The following LRGUK variants were observed in gnomAD, a reference collection of about 807,000 sequenced individuals.
The protein encoded by LRGUK is leucine-rich repeat and guanylate kinase domain-containing protein.
In LRGUK, 65 loss-of-function variants were observed where a neutral mutation model predicts 76.0. The ratio of observed to expected loss-of-function variants is 0.85; its 90% CI spans 0.70 to 1.05. The LOEUF (loss-of-function observed/expected upper bound fraction) is 1.05, where lower values mean the gene tolerates loss of function less well. Among genes scored for constraint, LRGUK ranks in the 50% least tolerant of loss-of-function variants. The pLI, the probability that LRGUK is intolerant of heterozygous loss-of-function variation, is 0.00. For missense variants in LRGUK, 758 were observed against 732.8 expected (o/e 1.03, Z -0.40); for synonymous variants, 268 against 265.6 (o/e 1.01, Z -0.09).
intron 18 of LRGUK, among the ~76,000 whole-genome samples, chr7:134,251,112 C>G (rs564949436): frequency 6.6e-6 from 1 of 152,252 alleles, no homozygotes; most frequent in East Asian, 1.9e-4. Flanking sequence ...CCCCATTCCC[C>G]CAATTTCATA....
At chr7:134,153,404 G>A (rs1464799111) in intron 5 of LRGUK, among the ~76,000 whole-genome samples, 3 of 151,986 alleles carry the variant, frequency 2.0e-5, no homozygotes, top group Admixed American at 1.3e-4. Flanking sequence ...GCTTTGCCAA[G>A]TTTATGTAAA....
At chr7:134,215,174 CATGT>C (rs1801404120), downstream of LRGUK, among the ~76,000 whole-genome samples, 1 of 151,588 alleles carries the variant, frequency 6.6e-6, no homozygotes, top group Non-Finnish European at 1.5e-5. Flanking sequence ...TAGAAGTATA[CATGT>C]TACAATATCA....
chr7:134,174,696 ACTAT>A (rs1799411429), intron 8 of LRGUK, 60 bp downstream of exon 8: 4 of 906,354 alleles, frequency 4.4e-6, no homozygotes, highest in East Asian at 4.8e-5. Flanking sequence ...GTGGAGGGAA[ACTAT>A]CTAGGAATTC....
chr7:134,258,266 T>A (rs759575901), exon 19 of LRGUK: 4 of 1,613,918 alleles, frequency 2.5e-6, no homozygotes. Context: ...GTGGGAAGGA[T>A]TCCTTGGTTT....
rs140175129 is a variant in LRGUK at position 134,247,616 on chromosome 7, C to T, written c.2044C>T (p.Arg682Cys). The T allele has an allele frequency of 2.0e-3, 3,201 of 1,613,208 alleles. 45 individuals carry two copies. In the Admixed American group the frequency reaches 0.027, roughly 14 times the overall value. ...CCGGCAAGCTCTAATGGGAAGGATACGCCCTGATCACACACTCCTATTTCA... is the reference window on the plus strand; with the variant it reads ...CCGGCAAGCTCTAATGGGAAGGATATGCCCTGATCACACACTCCTATTTCA... The change falls in exon 17 of 20, where the codon CGC becomes TGC. Residue 682 changes from arginine to cysteine, a missense_variant. Arg to Cys is a radical substitution (Grantham distance 180). Coordinates refer to the LRGUK transcript ENST00000285928.
chr7:134,269,204 C>A (rs1462595991), downstream of LRGUK, among the ~76,000 whole-genome samples: 1 of 152,082 alleles, frequency 6.6e-6, no homozygotes, highest in Non-Finnish European at 1.5e-5. Flanking sequence ...TCCCTTAAGA[C>A]CTCCTTGTAG....
rs1585558920 is a variant in LRGUK, at chr7:134,209,113, C to G, written c.2250C>G (p.Ile750Met). ...CCAGTGAGGTTGGGCAGTCTCCCAT[C>G]ACCCCGACCCTGGTGCCTCCTGTGC... The change falls in exon 16 of 16, where the codon ATC becomes ATG. Residue 750 changes from isoleucine (I) to methionine (M), a missense_variant. By Grantham distance (10) the Ile-to-Met change is conservative. Transcript: ENST00000645682. 37 of 399,128 alleles carry G rather than the reference C, an allele frequency of 9.3e-5. No homozygotes were observed. In the East Asian group the frequency reaches 1.3e-3, roughly 14 times the overall value. 24.7% of individuals were successfully genotyped at this position (399,128 alleles called of 1,614,324 possible).
At chr7:134,218,017 G>A (rs1327683534) in intron 15 of LRGUK, among the ~76,000 whole-genome samples, 11 of 151,990 alleles carry the variant, frequency 7.2e-5, no homozygotes, top group East Asian at 1.9e-4. Context: ...TCTAGAGTGC[G>A]GTGGCACAAT....
chr7:134,140,166 C>T (rs373393344), intron 3 of LRGUK, among the ~76,000 whole-genome samples: 1 of 151,948 alleles, frequency 6.6e-6, no homozygotes, highest in Non-Finnish European at 1.5e-5. Context: ...GATAGGGTTT[C>T]GTCATGTTGG....
intron 5 of LRGUK, among the ~76,000 whole-genome samples, chr7:134,155,584 C>A (rs777050123): frequency 5.3e-5 from 8 of 152,142 alleles, no homozygotes; most frequent in Non-Finnish European, 1.2e-4. Flanking sequence ...TTAATCCCAG[C>A]CTTGAATTTT....
At chr7:134,165,286 CAG>C (rs1457589958) in intron 7 of LRGUK, among the ~76,000 whole-genome samples, 1 of 152,148 alleles carries the variant, frequency 6.6e-6, no homozygotes, top group Non-Finnish European at 1.5e-5. Flanking sequence ...GATGAAGAAA[CAG>C]GGGCAGAAAG....
At chr7:134,273,286 C>G in the LRGUK span, among the ~76,000 whole-genome samples, 6 of 152,282 alleles carry the variant, frequency 3.9e-5, no homozygotes, top group South Asian at 1.2e-3. Context: ...GTAGAGCTCT[C>G]TATGGTAGAG....
At chr7:134,205,804 C>T (rs1055486314) in intron 15 of LRGUK, among the ~76,000 whole-genome samples, 7 of 152,094 alleles carry the variant, frequency 4.6e-5, no homozygotes, top group Non-Finnish European at 7.4e-5. Flanking sequence ...TATTAGAATC[C>T]GGCTGTCTAG....
At chr7:134,257,128 A>G (rs1489946539) in intron 18 of LRGUK, among the ~76,000 whole-genome samples, 1 of 152,166 alleles carries the variant, frequency 6.6e-6, no homozygotes. Context: ...AGGAAATTTC[A>G]CTCAGTAAAT....
intron 15 of LRGUK, among the ~76,000 whole-genome samples, chr7:134,204,827 G>A (rs1585552178): frequency 1.3e-5 from 2 of 152,292 alleles, no homozygotes; most frequent in South Asian, 4.1e-4. Flanking sequence ...AAGGAATGGG[G>A]ACCAGATGTT....
intron 3 of LRGUK, among the ~76,000 whole-genome samples, 178 bp from the exon 4 acceptor site, chr7:134,142,884 T>C (rs555020622): frequency 6.6e-6 from 1 of 152,138 alleles, no homozygotes; most frequent in Admixed American, 6.5e-5. Flanking sequence ...GTTTTCTACC[T>C]TTTTTTTGTA....
At chr7:134,257,246 A>G (rs1802607288) in intron 18 of LRGUK, among the ~76,000 whole-genome samples, 1 of 152,232 alleles carries the variant, frequency 6.6e-6, no homozygotes, top group Admixed American at 6.5e-5. Context: ...AATGGCTTAA[A>G]TATCAGCCAT....
intron 5 of LRGUK, among the ~76,000 whole-genome samples, chr7:134,150,087 A>C (rs1798142757): frequency 6.6e-6 from 1 of 152,070 alleles, no homozygotes; most frequent in Non-Finnish European, 1.5e-5. Flanking sequence ...CATCCTGGCT[A>C]ACATGGTGAA....
At chr7:134,153,966 A>C (rs17167512) in intron 5 of LRGUK, among the ~76,000 whole-genome samples, 19,714 of 152,222 alleles carry the variant, frequency 0.13, 1,616 homozygotes, top group East Asian at 0.32. Flanking sequence ...GAACTAGTGA[A>C]TAATTCATGT....
Sources: allele counts gnomAD v4.1 joint callset (sites outside exome capture counted in the v4.1 genomes callset), GRCh38; gene constraint gnomAD v4.1.1; transcripts MANE v1.5; gene names NCBI Gene and HGNC (gene_info 2026-07-23, HGNC 2026-07-21).